The following STX1A variants were observed in gnomAD, a reference collection of about 807,000 sequenced individuals.
STX1A encodes the protein syntaxin 1A, also known as syntaxin-1A.
In STX1A, 4 loss-of-function variants were observed where a neutral mutation model predicts 37.8. The observed-to-expected ratio is 0.11, with a 90% confidence interval of 0.05 to 0.24. The LOEUF is 0.24. STX1A is among the 10% of genes least tolerant of loss of function. STX1A has a pLI of 1.00. For missense variants in STX1A, 251 were observed against 399.9 expected (o/e 0.63, Z 3.18); for synonymous variants, 135 against 147.4 (o/e 0.92, Z 0.61).
Position 73,700,855 on chromosome 7 carries a change from G to A in STX1A, c.679-15C>T, listed in dbSNP as rs782205343. ...ATCATCTCTCCCTGCGGGGCCGGGG[G>A]CACCCGAGCTCCAGAGGGCCCCCTC... is the stretch of plus-strand genomic sequence containing the variant. On this transcript the variant is annotated splice_polypyrimidine_tract_variant and intron_variant, in intron 8 of 9. Transcript: ENST00000222812. The surrounding 1 kb of genome is among the most constrained non-coding windows in gnomAD (Gnocchi z 4.4). The A allele has an allele frequency of 6.2e-7, 1 of 1,612,162 alleles. No individual in the cohort carries two copies. Among genetic ancestry groups the A allele is most frequent in the South Asian group, 1.1e-5 (1 of 91,068 alleles).
rs570120435 is a variant in STX1A, at chr7:73,706,438, A to G, written c.209-1214T>C. Among the ~76,000 whole-genome samples, 1 of 151,952 alleles carries G rather than the reference A, an allele frequency of 6.6e-6. No individual in the cohort carries two copies. The highest frequency in any genetic ancestry group is 2.4e-5 in the African/African-American group (1 of 41,464). On this transcript the variant is annotated intron_variant, in intron 3 of 9. Coordinates refer to ENST00000222812, the MANE Select transcript of STX1A (RefSeq NM_004603.4). This position sits in a 1 kb window ranked among gnomAD's most constrained non-coding sequence, Gnocchi z 4.6. ...CCGGGAGAGCCCCCCACTCATTGCC[A>G]TCTTTCCTTGAGACTTCTCCTTAAC...
In STX1A at chr7:73,706,654, A is replaced by G. The variant is rs1383229357; in HGVS notation, c.209-1430T>C. On this transcript the variant is annotated intron_variant, in intron 3 of 9. Transcript: ENST00000222812. This position sits in a 1 kb window ranked among gnomAD's most constrained non-coding sequence, Gnocchi z 4.6. ...CAGGAGCCCAAGGTGTGGAGCAGAC[A>G]GCTCTGCTGCCCCATGCCCGCCCCA... Among the ~76,000 whole-genome samples the G allele has an allele frequency of 6.6e-6, 1 of 152,014 alleles. No homozygotes were observed. Among genetic ancestry groups the G allele is most frequent in the Non-Finnish European group, 1.5e-5 (1 of 67,970 alleles).
chr7:73,703,607 G>A, intron 7 of STX1A, 148 bp downstream of exon 7: 1 of 962,166 alleles, frequency 1.0e-6, no homozygotes, highest in Non-Finnish European at 1.7e-6. Context: ...TCAGCCTGGT[G>A]TTTTCCCCTC....
Position 73,700,536 on chromosome 7 carries a change from G to A in STX1A, c.790-52C>T, listed in dbSNP as rs1554615688. 2 of 1,601,144 alleles carry A rather than the reference G, an allele frequency of 1.2e-6. No individual in the cohort carries two copies. The highest frequency in any genetic ancestry group is 1.7e-6 in the Non-Finnish European group (2 of 1,172,460). ...CTCAGACAGTGTTGGCGGCAGGTGGGGTGGGACTATGGCAAAGGCTGAGGA... is the reference window on the plus strand; with the variant it reads ...CTCAGACAGTGTTGGCGGCAGGTGGAGTGGGACTATGGCAAAGGCTGAGGA... On this transcript the variant is annotated intron_variant, in intron 9 of 9. Coordinates refer to ENST00000222812, the MANE Select transcript of STX1A (RefSeq NM_004603.4). This position sits in a 1 kb window ranked among gnomAD's most constrained non-coding sequence, Gnocchi z 4.4.
chr7:73,709,175 C>A lies in STX1A; in HGVS notation c.31-53G>T. 7 of 1,574,960 alleles carry A rather than the reference C, an allele frequency of 4.4e-6. No homozygotes were observed. The highest frequency in any genetic ancestry group is 6.1e-6 in the Non-Finnish European group (7 of 1,154,114). On this transcript the variant is annotated intron_variant, in intron 1 of 9. Coordinates refer to ENST00000222812, the MANE Select transcript of STX1A (RefSeq NM_004603.4). This position sits in a 1 kb window ranked among gnomAD's most constrained non-coding sequence, Gnocchi z 4.2. ...GACGTATGTACAGGACCCACCTGTA[C>A]ACACGCAGGTGCCCAGGGTACAGCG...
At position 73,705,430 on chromosome 7, in the gene STX1A, T is replaced by G. The variant is rs1798835056; in HGVS notation, c.209-206A>C. The stretch of plus-strand genomic sequence containing the variant: ...CCAGCTGCAGCTTCACCCCCTCTTG[T>G]GCTGTCTTCGGAGGAGCCTCCCTTC... On this transcript the variant is annotated intron_variant, in intron 3 of 9. Coordinates refer to ENST00000222812, the MANE Select transcript of STX1A (RefSeq NM_004603.4). This position sits in a 1 kb window ranked among gnomAD's most constrained non-coding sequence, Gnocchi z 5.2. 1 of 572,384 alleles carries G rather than the reference T, an allele frequency of 1.7e-6. No individual in the cohort carries two copies. Among genetic ancestry groups the G allele is most frequent in the South Asian group, 2.0e-5 (1 of 48,902 alleles). The allele number at this position is 572,384 out of a possible 1,614,324, so 35.5% of individuals were successfully genotyped here.
At chr7:73,719,497 C>T (rs1006700524) in intron 1 of STX1A, 105 bp downstream of exon 1, 183 of 1,085,156 alleles carry the variant, frequency 1.7e-4, no homozygotes, top group Non-Finnish European at 2.0e-4. Flanking sequence ...TGGCTGGGGG[C>T]GCAGGAGCGG....
In STX1A at chr7:73,717,470, A is replaced by G. The variant is rs1248272819; in HGVS notation, c.30+2132T>C. Among the ~76,000 whole-genome samples, 4 of 152,238 alleles carry G rather than the reference A, an allele frequency of 2.6e-5. No individual in the cohort carries two copies. Among genetic ancestry groups the G allele is most frequent in the African/African-American group, 9.6e-5 (4 of 41,546 alleles). ...TTCTCGTCCCGAGAAACTGAATTCT[A>G]GGCTTTCCCATCCCCACTTCACAGA... On this transcript the variant is annotated intron_variant, in intron 1 of 9. Coordinates refer to ENST00000222812, the MANE Select transcript of STX1A (RefSeq NM_004603.4). This position sits in a 1 kb window ranked among gnomAD's most constrained non-coding sequence, Gnocchi z 4.1.
At chr7:73,714,900 G>A (rs957594537) in intron 1 of STX1A, among the ~76,000 whole-genome samples, 1 of 151,916 alleles carries the variant, frequency 6.6e-6, no homozygotes, top group Non-Finnish European at 1.5e-5. Flanking sequence ...CAAGGTGGGT[G>A]GATCACCTGA....
chr7:73,708,567 GT>G (rs1160101481), intron 3 of STX1A, 21 bp downstream of exon 3: 1 of 1,605,816 alleles, frequency 6.2e-7, no homozygotes, highest in Non-Finnish European at 8.5e-7. Flanking sequence ...CCTGAAACCC[GT>G]CCCCCGCCCC....
intron 8 of STX1A, chr7:73,701,085 A>T: frequency 1.5e-6 from 1 of 684,834 alleles, no homozygotes; most frequent in Non-Finnish European, 2.4e-6. Context: ...CTGGCCATGC[A>T]GTCTCAGCTG....
chr7:73,718,252 C>T (rs923874185), intron 1 of STX1A, among the ~76,000 whole-genome samples: 3 of 152,108 alleles, frequency 2.0e-5, no homozygotes, highest in Non-Finnish European at 2.9e-5. Context: ...AGGGGCTGGG[C>T]GCTCGGCCAG....
At chr7:73,708,531 G>A in intron 3 of STX1A, 58 bp downstream of exon 3, 1 of 1,532,402 alleles carries the variant, frequency 6.5e-7, no homozygotes, top group Non-Finnish European at 8.9e-7. Flanking sequence ...CTCCCTGGCA[G>A]CAGCCCCTTC....
chr7:73,719,566 G>A, intron 1 of STX1A, 36 bp downstream of exon 1: 1 of 1,206,302 alleles, frequency 8.3e-7, no homozygotes, highest in Non-Finnish European at 1.0e-6. Context: ...CGCTGGCGGC[G>A]GGCGGCGGGC....
rs1204535470 is a variant in STX1A, at chr7:73,702,550, G to T, written c.678+295C>A. ...CTATGCCTTCAGTCTCTGGGGAAAT[G>T]CGTGGCCCACAGTGGCCCCATGAGG... On this transcript the variant is annotated intron_variant, in intron 8 of 9. Transcript: ENST00000222812. This position sits in a 1 kb window ranked among gnomAD's most constrained non-coding sequence, Gnocchi z 4.7. The T allele has an allele frequency of 5.2e-6, 4 of 770,598 alleles. No individual in the cohort carries two copies. Among genetic ancestry groups the T allele is most frequent in the South Asian group, 2.2e-5 (1 of 44,912 alleles). 47.7% of individuals were successfully genotyped at this position (770,598 alleles called of 1,614,324 possible).
At chr7:73,703,280 G>T in intron 7 of STX1A, 1 of 550,870 alleles carries the variant, frequency 1.8e-6, no homozygotes, top group Non-Finnish European at 3.3e-6. Flanking sequence ...CAGAGCCGAA[G>T]TTGACTGCCC....
At chr7:73,719,476 C>T in intron 1 of STX1A, 126 bp downstream of exon 1, 1 of 975,714 alleles carries the variant, frequency 1.0e-6, no homozygotes, top group Non-Finnish European at 1.3e-6. Context: ...TCGCCCCGCT[C>T]CCTTCAGCCC....
At chr7:73,707,742 T>C (rs1554617228) in intron 3 of STX1A, among the ~76,000 whole-genome samples, 3 of 150,878 alleles carry the variant, frequency 2.0e-5, no homozygotes. Context: ...GAGACCAGCC[T>C]GACCAATATG....
chr7:73,703,970 C>T, intron 6 of STX1A, 142 bp from the exon 7 acceptor site: 1 of 1,045,790 alleles, frequency 9.6e-7, no homozygotes, highest in Non-Finnish European at 1.4e-6. Context: ...CCCCCCGGCC[C>T]TTAACACAGC....
Sources: allele counts gnomAD v4.1 joint callset (sites outside exome capture counted in the v4.1 genomes callset), GRCh38; gene constraint gnomAD v4.1.1; non-coding constraint Gnocchi (gnomAD v3.1); transcripts MANE v1.5; gene names NCBI Gene and HGNC (gene_info 2026-07-23, HGNC 2026-07-21).